OPRM1: variants seen among roughly 807,000 people sequenced by gnomAD.
OPRM1 encodes opioid receptor mu 1.
Under a neutral mutation model 31.8 loss-of-function variants are expected in OPRM1, and 27 were observed. The ratio of observed to expected loss-of-function variants is 0.85; its 90% confidence interval spans 0.63 to 1.17. The LOEUF is 1.17. OPRM1 is among the 50% of genes most tolerant of loss of function. The pLI, the probability that OPRM1 is intolerant of heterozygous loss-of-function variation, is 0.00. For synonymous variants in OPRM1, 196 were observed against 189.9 expected (o/e 1.03, Z -0.26); for missense variants, 536 against 511.1 (o/e 1.05, Z -0.47).
At chr6:154,203,932 A>C (rs546475563) in intron 3 of OPRM1, among the ~76,000 whole-genome samples, 4 of 152,332 alleles carry the variant, frequency 2.6e-5, no homozygotes, top group African/African-American at 9.6e-5. Flanking sequence ...TCAAGGGGCT[A>C]TCGGTGCCAA....
intron 1 of OPRM1, among the ~76,000 whole-genome samples, chr6:154,055,233 CA>C (rs1240156632): frequency 3.3e-5 from 5 of 151,942 alleles, no homozygotes; most frequent in Non-Finnish European, 1.5e-5. Context: ...ACTAAAAATA[CA>C]AAAATTATCC....
chr6:154,138,816 G>A (rs979917648), intron 3 of OPRM1, among the ~76,000 whole-genome samples: 9 of 152,230 alleles, frequency 5.9e-5, no homozygotes, highest in Non-Finnish European at 1.0e-4. Context: ...TAGGAGTCAC[G>A]TAGCCGGAGG....
At chr6:154,190,873 G>A (rs1020696116) in intron 3 of OPRM1, among the ~76,000 whole-genome samples, 10 of 151,992 alleles carry the variant, frequency 6.6e-5, no homozygotes, top group Non-Finnish European at 1.5e-4. Flanking sequence ...TGGCTAACAC[G>A]GTGAAACCCC....
chr6:154,034,771 A>G (rs1235669457), upstream of OPRM1, among the ~76,000 whole-genome samples: 1 of 152,200 alleles, frequency 6.6e-6, no homozygotes, highest in Non-Finnish European at 1.5e-5. Context: ...GGGTAATGGC[A>G]AACCTCTGTA....
chr6:154,236,536 T>C (rs1198987313), intron 3 of OPRM1, among the ~76,000 whole-genome samples: 1 of 152,206 alleles, frequency 6.6e-6, no homozygotes, highest in Non-Finnish European at 1.5e-5. Flanking sequence ...TAAAAATGGC[T>C]AAGATGGTAA....
At chr6:154,098,150 C>A in intron 3 of OPRM1, among the ~76,000 whole-genome samples, 1 of 152,104 alleles carries the variant, frequency 6.6e-6, no homozygotes, top group East Asian at 1.9e-4. Context: ...ATCTTATAAC[C>A]CAGGCTTTTA....
chr6:154,187,912 T>C (rs1801528011), intron 3 of OPRM1, among the ~76,000 whole-genome samples: 1 of 152,208 alleles, frequency 6.6e-6, no homozygotes, highest in Admixed American at 6.5e-5. Context: ...AAGTACCTAC[T>C]TCCAACTTGG....
At chr6:154,114,707 C>T (rs766911955) in intron 3 of OPRM1, among the ~76,000 whole-genome samples, 1 of 151,950 alleles carries the variant, frequency 6.6e-6, no homozygotes, top group Non-Finnish European at 1.5e-5. Flanking sequence ...ATAATACCAA[C>T]TAAATTCAGT....
chr6:154,091,929 G>A (rs1486073073), intron 3 of OPRM1: 2 of 986,754 alleles, frequency 2.0e-6, no homozygotes, highest in Non-Finnish European at 2.4e-6. Flanking sequence ...GGTCATGGAT[G>A]CAAGATATTC....
At chr6:154,134,422 G>A (rs901342998), downstream of OPRM1, among the ~76,000 whole-genome samples, 3 of 152,146 alleles carry the variant, frequency 2.0e-5, no homozygotes, top group African/African-American at 7.2e-5. Context: ...AATGGTTTAT[G>A]TCTGCAAAGA....
At chr6:154,140,944 T>C (rs1798191307) in intron 3 of OPRM1, among the ~76,000 whole-genome samples, 1 of 152,176 alleles carries the variant, frequency 6.6e-6, no homozygotes, top group South Asian at 2.1e-4. Flanking sequence ...ACTGAATGAA[T>C]GACTCACGTA....
At chr6:154,182,405 G>A (rs1042926859) in intron 3 of OPRM1, among the ~76,000 whole-genome samples, 1 of 152,178 alleles carries the variant, frequency 6.6e-6, no homozygotes, top group Middle Eastern at 3.4e-3. Context: ...TGAGGCAATC[G>A]TTTTCTGAAA....
chr6:154,064,637 C>T (rs914451651), intron 1 of OPRM1, among the ~76,000 whole-genome samples: 1 of 152,066 alleles, frequency 6.6e-6, no homozygotes, highest in Non-Finnish European at 1.5e-5. Context: ...ATATTTAGGT[C>T]TTTGATCCAT....
At chr6:154,169,819 C>T (rs1283997543) in intron 3 of OPRM1, among the ~76,000 whole-genome samples, 5 of 152,210 alleles carry the variant, frequency 3.3e-5, no homozygotes, top group Non-Finnish European at 7.3e-5. Flanking sequence ...TAAACATGTG[C>T]CTCTGGTCAG....
At chr6:154,173,121 A>G (rs1800012422) in intron 3 of OPRM1, among the ~76,000 whole-genome samples, 1 of 152,226 alleles carries the variant, frequency 6.6e-6, no homozygotes, top group Non-Finnish European at 1.5e-5. Context: ...AAATAGCATC[A>G]ACATCAACAA....
At chr6:154,223,377 C>A (rs1229332174) in intron 3 of OPRM1, 1 of 708,226 alleles carries the variant, frequency 1.4e-6, no homozygotes, top group East Asian at 2.7e-5. Flanking sequence ...CACCCTGAAT[C>A]ACCATGGAGG....
At chr6:154,213,709 T>C (rs1264030176) in intron 3 of OPRM1, among the ~76,000 whole-genome samples, 1 of 152,174 alleles carries the variant, frequency 6.6e-6, no homozygotes, top group Non-Finnish European at 1.5e-5. Context: ...TCATTAAGAA[T>C]TAGACTCCTG....
intron 3 of OPRM1, among the ~76,000 whole-genome samples, chr6:154,153,007 A>C (rs1798583057): frequency 6.6e-6 from 1 of 152,020 alleles, no homozygotes; most frequent in Non-Finnish European, 1.5e-5. Flanking sequence ...CCAAAGTGCT[A>C]GAATTGCAAA....
At chr6:154,195,557 A>T (rs1176286796) in intron 3 of OPRM1, among the ~76,000 whole-genome samples, 1 of 151,898 alleles carries the variant, frequency 6.6e-6, no homozygotes, top group Non-Finnish European at 1.5e-5. Context: ...ACCTCAACCA[A>T]ATGTCCTTTC....
Sources: gnomAD v4.1 joint callset for allele counts (sites outside exome capture counted in the v4.1 genomes callset) on GRCh38, gnomAD v4.1.1 for gene constraint, MANE v1.5 for transcripts, NCBI Gene and HGNC (gene_info 2026-07-23, HGNC 2026-07-21) for gene names.